The following GRM3 variants were observed in gnomAD, a reference collection of about 807,000 sequenced individuals.
GRM3 encodes the protein glutamate metabotropic receptor 3.
Under a neutral mutation model 70.5 loss-of-function variants are expected in GRM3, and 26 were observed. That is an observed-to-expected ratio of 0.37 (90% confidence interval 0.27 to 0.51). The LOEUF (loss-of-function observed/expected upper bound fraction) is 0.51. Among genes scored for constraint, GRM3 ranks in the 20% least tolerant of loss-of-function variants. GRM3 has a pLI of 0.93. For missense variants in GRM3, 859 were observed against 1,123.8 expected (o/e 0.76, Z 3.37); for synonymous variants, 443 against 434.9 (o/e 1.02, Z -0.23).
chr7:86,767,391 A>G (rs1039447679), intron 2 of GRM3, among the ~76,000 whole-genome samples: 56 of 151,450 alleles, frequency 3.7e-4, no homozygotes. Flanking sequence ...AGGTTTCACT[A>G]GATGGATAGA....
intron 1 of GRM3, among the ~76,000 whole-genome samples, chr7:86,732,118 T>C (rs1795748203): frequency 6.6e-6 from 1 of 152,190 alleles, no homozygotes; most frequent in African/African-American, 2.4e-5. Flanking sequence ...AATTATATTC[T>C]ATATGGACTA....
At chr7:86,703,394 G>A (rs902543572) in intron 1 of GRM3, among the ~76,000 whole-genome samples, 2 of 151,856 alleles carry the variant, frequency 1.3e-5, no homozygotes, top group Non-Finnish European at 2.9e-5. Flanking sequence ...TTTTTTGGAA[G>A]CAAACCTTTG....
At chr7:86,814,453 A>G (rs1484443023) in intron 3 of GRM3, among the ~76,000 whole-genome samples, 1 of 151,720 alleles carries the variant, frequency 6.6e-6, no homozygotes, top group Non-Finnish European at 1.5e-5. Context: ...CTTAGCTCCC[A>G]TATATCAATG....
chr7:86,810,571 G>C (rs1459585187), intron 3 of GRM3, among the ~76,000 whole-genome samples: 1 of 151,936 alleles, frequency 6.6e-6, no homozygotes, highest in Non-Finnish European at 1.5e-5. Context: ...GTTTAAAACT[G>C]TCTTCTTTCT....
At chr7:86,717,356 G>A (rs1329336936) in intron 1 of GRM3, among the ~76,000 whole-genome samples, 1 of 151,928 alleles carries the variant, frequency 6.6e-6, no homozygotes, top group Admixed American at 6.6e-5. Flanking sequence ...TGTGAGCAAT[G>A]ACTTTTATTT....
chr7:86,813,634 A>C (rs1797957821), intron 3 of GRM3, among the ~76,000 whole-genome samples: 1 of 151,832 alleles, frequency 6.6e-6, no homozygotes, highest in Non-Finnish European at 1.5e-5. Context: ...AAAATGTATA[A>C]TACTACACAG....
chr7:86,724,963 G>T (rs745358123), intron 1 of GRM3, among the ~76,000 whole-genome samples: 1 of 151,964 alleles, frequency 6.6e-6, no homozygotes, highest in South Asian at 2.1e-4. Context: ...AATCTCCTGA[G>T]GTTTATTTAG....
intron 4 of GRM3, among the ~76,000 whole-genome samples, chr7:86,842,286 T>C (rs1192117900): frequency 6.6e-6 from 1 of 152,176 alleles, no homozygotes; most frequent in African/African-American, 2.4e-5. Context: ...TTGAAATAGT[T>C]GTCAAAGTTA....
intron 3 of GRM3, among the ~76,000 whole-genome samples, chr7:86,827,796 G>A (rs547681090): frequency 1.8e-4 from 28 of 151,914 alleles, no homozygotes; most frequent in Admixed American, 1.4e-3. Context: ...GAGCCACCAC[G>A]CCCACTGTCA....
chr7:86,839,753 CTGGTGATCT>C lies in GRM3; in HGVS notation c.2241_2249del (p.Val748_Leu750del), dbSNP rs1190964845. 6.2e-7 allele frequency: 1 copy of C among 1,614,018 alleles called. No individual in the cohort carries two copies. On this transcript the variant is annotated inframe_deletion, in exon 4 of 6. Coordinates refer to ENST00000361669, the MANE Select transcript of GRM3 (RefSeq NM_000840.3). The surrounding 1 kb of genome is among the most constrained non-coding windows in gnomAD (Gnocchi z 4.5). ...GATCTCTCTTACCTACGATGTGATC[CTGGTGATCT>C]TATGCACTGTGTACGCCTTCAAAAC...
At chr7:86,666,827 A>G (rs1794039295) in intron 1 of GRM3, among the ~76,000 whole-genome samples, 1 of 152,118 alleles carries the variant, frequency 6.6e-6, no homozygotes, top group Admixed American at 6.6e-5. Context: ...ACCTGTTCTC[A>G]TGACTTCTGT....
intron 1 of GRM3, among the ~76,000 whole-genome samples, chr7:86,648,159 A>G (rs1401887515): frequency 1.3e-5 from 2 of 152,168 alleles, no homozygotes; most frequent in Non-Finnish European, 2.9e-5. Context: ...CTAAATGTTT[A>G]AGACATTTTT....
intron 3 of GRM3, among the ~76,000 whole-genome samples, chr7:86,829,543 A>T (rs557178427): frequency 6.6e-6 from 1 of 152,268 alleles, no homozygotes; most frequent in South Asian, 2.1e-4. Flanking sequence ...ACACTTATAG[A>T]CCATCATAAG....
In GRM3 at chr7:86,783,542, C is replaced by T. The variant is rs147034526; in HGVS notation, c.469-2719C>T. Among the ~76,000 whole-genome samples the T allele has an allele frequency of 2.6e-5, 4 of 152,100 alleles. No individual in the cohort carries two copies. The East Asian group carries it at 7.7e-4, about 29-fold the overall frequency. On this transcript the variant is annotated intron_variant, in intron 2 of 5. Transcript: ENST00000361669. ...GTGTGTGTGTGTGTGTATGTACATA[C>T]CCAGTACATTGGTACTTGGTTTTAC...
chr7:86,680,363 G>A (rs573721794), intron 1 of GRM3, among the ~76,000 whole-genome samples: 4 of 150,334 alleles, frequency 2.7e-5, no homozygotes, highest in Admixed American at 2.6e-4. Flanking sequence ...TCATAGGGAA[G>A]TTGTGAAGAA....
intron 3 of GRM3, among the ~76,000 whole-genome samples, chr7:86,830,560 T>C (rs1031614299): frequency 6.6e-6 from 1 of 152,174 alleles, no homozygotes; most frequent in Admixed American, 6.5e-5. Context: ...GCACATCATA[T>C]GATAAAATAC....
chr7:86,766,878 A>G (rs1179511716), intron 2 of GRM3, among the ~76,000 whole-genome samples: 1 of 152,116 alleles, frequency 6.6e-6, no homozygotes, highest in African/African-American at 2.4e-5. Context: ...TTGCGTTGGA[A>G]TAACCTTCTT....
rs75107072 is a variant in GRM3 at position 86,746,540 on chromosome 7, C to G, written c.-140-18466C>G. Among the ~76,000 whole-genome samples, 1,321 of 151,366 alleles carry G rather than the reference C, an allele frequency of 8.7e-3. 16 individuals carry two copies. Among genetic ancestry groups the G allele is most frequent in the African/African-American group, 0.031 (1,260 of 41,248 alleles). On this transcript the variant is annotated intron_variant, in intron 1 of 5. Transcript: ENST00000361669. ...GCCTTAGGGATCATTCAGCTCAACACCTTTATTCTACAAATCAAAAAACTA... is the reference window on the plus strand; with the variant it reads ...GCCTTAGGGATCATTCAGCTCAACAGCTTTATTCTACAAATCAAAAAACTA...
At chr7:86,670,570 T>C (rs1794144992) in intron 1 of GRM3, among the ~76,000 whole-genome samples, 1 of 152,220 alleles carries the variant, frequency 6.6e-6, no homozygotes, top group Non-Finnish European at 1.5e-5. Flanking sequence ...CTCTTTTCAA[T>C]CCTCATATTC....
Sources: allele counts gnomAD v4.1 joint callset (sites outside exome capture counted in the v4.1 genomes callset), GRCh38; gene constraint gnomAD v4.1.1; non-coding constraint Gnocchi (gnomAD v3.1); transcripts MANE v1.5; gene names NCBI Gene and HGNC (gene_info 2026-07-23, HGNC 2026-07-21).